The following ARL8B variants were observed in gnomAD, a reference collection of about 807,000 sequenced individuals.
ARL8B encodes the protein ARF like GTPase 8B, also known as ADP-ribosylation factor-like protein 8B.
Under a neutral mutation model 30.6 loss-of-function variants are expected in ARL8B, and 9 were observed. The ratio of observed to expected loss-of-function variants is 0.29; its 90% confidence interval spans 0.18 to 0.51. The LOEUF (loss-of-function observed/expected upper bound fraction) is 0.51. Among genes scored for constraint, ARL8B ranks in the 20% least tolerant of loss-of-function variants. ARL8B has a pLI of 0.97. For synonymous variants in ARL8B, 74 were observed against 76.0 expected, an observed-to-expected ratio of 0.97 and a Z score of 0.14; for missense variants, 130 against 227.2, an observed-to-expected ratio of 0.57 and a Z score of 2.75.
chr3:5,147,217 T>G (rs1038645800), intron 1 of ARL8B, among the ~76,000 whole-genome samples: 3 of 152,160 alleles, frequency 2.0e-5, no homozygotes, highest in Admixed American at 2.0e-4. Flanking sequence ...CCCCACCCTG[T>G]GTCCAGGTGT....
intron 6 of ARL8B, among the ~76,000 whole-genome samples, chr3:5,176,507 C>T (rs899258586): frequency 3.3e-5 from 5 of 152,176 alleles, no homozygotes; most frequent in South Asian, 2.1e-4. Flanking sequence ...CTTAGATTGA[C>T]AGGCATGAGC....
At chr3:5,171,657 T>C (rs1188905718) in intron 2 of ARL8B, among the ~76,000 whole-genome samples, 1 of 152,200 alleles carries the variant, frequency 6.6e-6, no homozygotes, top group Non-Finnish European at 1.5e-5. Flanking sequence ...CAAAATAATT[T>C]TATACAAGAA....
intron 1 of ARL8B, among the ~76,000 whole-genome samples, chr3:5,160,253 A>G (rs113594154): frequency 5.9e-5 from 9 of 152,310 alleles, no homozygotes; most frequent in East Asian, 3.9e-4. Context: ...TGGCTCATCA[A>G]TGTTTCTGAA....
chr3:5,154,507 G>GT (rs1256131493), intron 1 of ARL8B, among the ~76,000 whole-genome samples: 4 of 151,560 alleles, frequency 2.6e-5, no homozygotes, highest in Non-Finnish European at 4.4e-5. Flanking sequence ...GCTAATTTTT[G>GT]TTTTTTTGTA....
At chr3:5,133,799 G>A (rs1315243687) in intron 1 of ARL8B, among the ~76,000 whole-genome samples, 1 of 152,116 alleles carries the variant, frequency 6.6e-6, no homozygotes, top group African/African-American at 2.4e-5. Context: ...TTAGCTGGAT[G>A]TGCTGCTGCG....
At chr3:5,151,723 C>CA (rs1456595818) in intron 1 of ARL8B, among the ~76,000 whole-genome samples, 8 of 118,778 alleles carry the variant, frequency 6.7e-5, no homozygotes, top group Non-Finnish European at 7.2e-5. Context: ...CTCCCCCCAC[C>CA]CCCCCCCTTG....
At chr3:5,168,836 A>C (rs2054645552) in intron 1 of ARL8B, among the ~76,000 whole-genome samples, 2 of 152,186 alleles carry the variant, frequency 1.3e-5, no homozygotes, top group African/African-American at 4.8e-5. Context: ...GGTACCTAAA[A>C]ATTTTAGCTA....
chr3:5,178,139 A>G (rs1473564058), intron 6 of ARL8B, among the ~76,000 whole-genome samples: 1 of 152,216 alleles, frequency 6.6e-6, no homozygotes. Flanking sequence ...CTTGGCAGTG[A>G]CAGCCTCCTC....
At chr3:5,169,618 G>A (rs2054653758) in intron 1 of ARL8B, among the ~76,000 whole-genome samples, 1 of 149,472 alleles carries the variant, frequency 6.7e-6, no homozygotes, top group Admixed American at 6.7e-5. Flanking sequence ...GTATCTCTTT[G>A]TGGGTTTGAT....
intron 1 of ARL8B, chr3:5,157,990 T>C (rs1013514545): frequency 2.0e-5 from 3 of 152,068 alleles, no homozygotes; most frequent in Admixed American, 2.0e-4. Context: ...TTTTAATGTA[T>C]TTTGAGATGG....
chr3:5,147,593 G>T (rs1017472216), intron 1 of ARL8B, among the ~76,000 whole-genome samples: 2 of 152,040 alleles, frequency 1.3e-5, no homozygotes, highest in African/African-American at 4.8e-5. Flanking sequence ...GGGGGATTTT[G>T]ATTTAACGTT....
chr3:5,152,586 A>G (rs1260226933), intron 1 of ARL8B, among the ~76,000 whole-genome samples: 2 of 152,132 alleles, frequency 1.3e-5, no homozygotes, highest in Non-Finnish European at 2.9e-5. Flanking sequence ...CTGGACTTAA[A>G]CAATCCTCCC....
At chr3:5,129,784 G>A (rs547197440) in intron 1 of ARL8B, among the ~76,000 whole-genome samples, 1 of 152,272 alleles carries the variant, frequency 6.6e-6, no homozygotes, top group Admixed American at 6.5e-5. Flanking sequence ...TAGGGAGGCA[G>A]AGACAGGAGG....
chr3:5,146,826 A>G (rs1031891271), intron 1 of ARL8B, among the ~76,000 whole-genome samples: 6 of 152,096 alleles, frequency 3.9e-5, no homozygotes, highest in African/African-American at 7.2e-5. Flanking sequence ...GATACTGTCA[A>G]TTTTTCCTTG....
chr3:5,129,465 A>C (rs191177004), intron 1 of ARL8B, among the ~76,000 whole-genome samples: 2 of 152,318 alleles, frequency 1.3e-5, no homozygotes, highest in Non-Finnish European at 1.5e-5. Context: ...CCTATTAGAT[A>C]CTGCTCTGTT....
intron 1 of ARL8B, among the ~76,000 whole-genome samples, chr3:5,148,411 T>G (rs1010577971): frequency 6.6e-6 from 1 of 152,194 alleles, no homozygotes; most frequent in Non-Finnish European, 1.5e-5. Flanking sequence ...TAAATTTGGA[T>G]AAGGATTTAA....
intron 1 of ARL8B, among the ~76,000 whole-genome samples, chr3:5,135,756 CTATTATTATTATTAT>C (rs111824873): frequency 0.014 from 1,808 of 126,920 alleles, 48 homozygotes; most frequent in African/African-American, 0.046. Context: ...CGCACCTGGC[CTATTATTATTATTAT>C]TATTATTATT....
chr3:5,162,356 C>G (rs2054591005), intron 1 of ARL8B, among the ~76,000 whole-genome samples: 1 of 152,186 alleles, frequency 6.6e-6, no homozygotes, highest in African/African-American at 2.4e-5. Flanking sequence ...CGCAGGGTGC[C>G]TGTTCTTAGA....
chr3:5,125,248 G>A (rs771827143), intron 1 of ARL8B, among the ~76,000 whole-genome samples: 23 of 152,120 alleles, frequency 1.5e-4, no homozygotes, highest in Admixed American at 2.6e-4. Flanking sequence ...CCCACAGAAG[G>A]GGATAGGTAG....
Sources: allele counts gnomAD v4.1 joint callset (sites outside exome capture counted in the v4.1 genomes callset), GRCh38; gene constraint gnomAD v4.1.1; transcripts MANE v1.5; gene names NCBI Gene and HGNC (gene_info 2026-07-23, HGNC 2026-07-21).